NBEAL2: variants seen among roughly 807,000 people sequenced by gnomAD.
NBEAL2 encodes the protein neurobeachin like 2, also known as neurobeachin-like protein 2.
In NBEAL2, 160 loss-of-function variants were observed where a neutral mutation model predicts 299.8. The ratio of observed to expected loss-of-function variants is 0.53; its 90% CI spans 0.47 to 0.61. NBEAL2 has a LOEUF of 0.61. Among genes scored for constraint, NBEAL2 ranks in the 20% least tolerant of loss-of-function variants. The pLI is 0.00. For missense variants in NBEAL2, 3,112 were observed against 3,649.0 expected, an observed-to-expected ratio of 0.85 and a Z score of 3.79; for synonymous variants, 1,493 against 1,542.3, an observed-to-expected ratio of 0.97 and a Z score of 0.75.
intron 40 of NBEAL2, 49 bp downstream of exon 40, chr3:47,005,370 A>C (rs758820000): frequency 1.9e-6 from 3 of 1,584,872 alleles, no homozygotes; most frequent in Non-Finnish European, 2.6e-6. Context: ...TAAGGGGAGG[A>C]GGCTGGTCCT....
At position 46,996,949 on chromosome 3, in the gene NBEAL2, C is replaced by T; in HGVS notation, c.2557-5C>T. The stretch of plus-strand genomic sequence containing the variant: ...CTGGCTGCCTGCCCATTCCCCTATC[C>T]CTAGGCTTGTAAGAACAACATCTGC... On this transcript the variant is annotated splice_region_variant and splice_polypyrimidine_tract_variant and intron_variant, in intron 17 of 53. Coordinates refer to ENST00000450053, the MANE Select transcript of NBEAL2 (RefSeq NM_015175.3). The T allele has an allele frequency of 6.2e-7, 1 of 1,613,164 alleles. No individual in the cohort carries two copies. Among genetic ancestry groups the T allele is most frequent in the Non-Finnish European group, 8.5e-7 (1 of 1,179,782 alleles).
At position 47,007,640 on chromosome 3, in the gene NBEAL2, C is replaced by T; in HGVS notation, c.7450C>T (p.Leu2484=). The T allele has an allele frequency of 6.2e-7, 1 of 1,611,158 alleles. No individual in the cohort carries two copies. The highest frequency in any genetic ancestry group is 8.5e-7 in the Non-Finnish European group (1 of 1,179,098). ...LFSGGHWDGS[L]RVTALPRGKL... ...CAGCGGTGGCCACTGGGATGGCAGC[C>T]TGCGGGTGACTGCACTACCCCGTGG... The change falls in exon 48 of 54, where the codon CTG becomes TTG. Residue 2484 remains leucine, a synonymous_variant. Coordinates refer to ENST00000450053, the MANE Select transcript of NBEAL2 (RefSeq NM_015175.3).
rs778172328 is a variant in NBEAL2 at position 46,988,122 on chromosome 3, C to T, written c.52-547C>T. On this transcript the variant is annotated intron_variant, in intron 1 of 53. Coordinates refer to ENST00000450053, the MANE Select transcript of NBEAL2 (RefSeq NM_015175.3). This position sits in a 1 kb window ranked among gnomAD's most constrained non-coding sequence, Gnocchi z 4.4. Reference sequence around the variant, plus strand: ...GGAGGTTCCCGGGGCAAGGCAGGGCCGCACATGAGGATGTGCGCATGTCTG... The same window carrying T: ...GGAGGTTCCCGGGGCAAGGCAGGGCTGCACATGAGGATGTGCGCATGTCTG... 104 of 1,143,436 alleles carry T rather than the reference C, an allele frequency of 9.1e-5. No individual in the cohort carries two copies. The highest frequency in any genetic ancestry group is 1.9e-4 in the Admixed American group (5 of 27,012). 70.8% of individuals were successfully genotyped at this position (1,143,436 alleles called of 1,614,324 possible). A position where few individuals can be genotyped will look rare whatever the true frequency, so the allele number is the denominator to read the frequency against.
At chr3:47,006,598 T>G (rs2037463564) in intron 45 of NBEAL2, 149 bp downstream of exon 45, 1 of 813,560 alleles carries the variant, frequency 1.2e-6, no homozygotes, top group African/African-American at 1.7e-5. Flanking sequence ...GGGAAGAGTA[T>G]GGGGGCAGGA....
At position 46,988,301 on chromosome 3, in the gene NBEAL2, A is replaced by C. The variant is rs2035821450; in HGVS notation, c.52-368A>C. On this transcript the variant is annotated intron_variant, in intron 1 of 53. Coordinates refer to ENST00000450053, the MANE Select transcript of NBEAL2 (RefSeq NM_015175.3). The surrounding 1 kb of genome is among the most constrained non-coding windows in gnomAD (Gnocchi z 4.4). ...GGCTGCTGTGTGGGACACCTTCTCC[A>C]GCCCTAGCACCAGTGTGGGCCACAG... Among the ~76,000 whole-genome samples the C allele has an allele frequency of 6.6e-6, 1 of 152,154 alleles. No homozygotes were observed. The highest frequency in any genetic ancestry group is 2.4e-5 in the African/African-American group (1 of 41,416).
At chr3:46,999,156 C>G (rs540799593) in intron 24 of NBEAL2, 39 bp downstream of exon 24, 128 of 1,548,900 alleles carry the variant, frequency 8.3e-5, no homozygotes, top group Non-Finnish European at 1.1e-4. Flanking sequence ...ATCCCATTCA[C>G]TGGGGCCCCT....
chr3:47,005,106 T>G lies in NBEAL2; in HGVS notation c.6419+10T>G. On this transcript the variant is annotated intron_variant, in intron 39 of 53. Transcript: ENST00000450053. ...AGCTCGTGAGGGAGAAGTGAGCATG[T>G]GGGCAGGGCTGGGCTCAGCGGGTAG... The G allele has an allele frequency of 6.2e-7, 1 of 1,613,822 alleles. No individual in the cohort carries two copies. Among genetic ancestry groups the G allele is most frequent in the South Asian group, 1.1e-5 (1 of 91,074 alleles).
intron 1 of NBEAL2, among the ~76,000 whole-genome samples, chr3:46,984,660 C>T (rs2035574598): frequency 6.6e-6 from 1 of 152,178 alleles, no homozygotes; most frequent in African/African-American, 2.4e-5. Context: ...CACCCTGTCC[C>T]ACTTCTGCTT....
In NBEAL2 at chr3:46,991,635, G is replaced by T; in HGVS notation, c.872G>T (p.Gly291Val). 6.3e-7 allele frequency: 1 copy of T among 1,599,838 alleles called. No homozygotes were observed. The highest frequency in any genetic ancestry group is 1.1e-5 in the South Asian group (1 of 91,070). Residue 291 changes from glycine (G) to valine (V), a missense_variant, in exon 8 of 54, where the codon GGT (glycine) becomes GTT (valine). By Grantham distance (109) the Gly-to-Val change is moderately radical (BLOSUM62 -3). This residue lies in a region of NBEAL2 where 2,243 missense variants were observed against 2,538.1 expected (regional missense o/e 0.88). Coordinates refer to ENST00000450053, the MANE Select transcript of NBEAL2 (RefSeq NM_015175.3). The surrounding 1 kb of genome is among the most constrained non-coding windows in gnomAD (Gnocchi z 6.2). ...GTCCTTAATGCTGACTGGCCAGCTG[G>T]TCTGAGCTCAGGCCCCGAAGAGGCC... ...FHVLNADWPA[G>V]LSSGPEEALV...
chr3:46,980,443 C>T (rs1217026017), intron 1 of NBEAL2, among the ~76,000 whole-genome samples: 1 of 152,074 alleles, frequency 6.6e-6, no homozygotes, highest in Non-Finnish European at 1.5e-5. Flanking sequence ...AGTTGCATCC[C>T]CCCACACCCC....
At position 46,996,374 on chromosome 3, in the gene NBEAL2, C is replaced by G. The variant is rs1321825316; in HGVS notation, c.2255C>G (p.Pro752Arg). The stretch of plus-strand genomic sequence containing the variant: ...CCCGCCACCCTGGCCTACACTCACC[C>G]CGCCCTCACCCGCTCCCAGTCAGTC... ...PVPATLAYTH[P>R]ALTRSQSVPA... The change falls in exon 16 of 54, where the codon CCC (proline) becomes CGC (arginine). Residue 752 changes from proline to arginine, a missense_variant. Physicochemically the swap from Pro to Arg is moderately radical, Grantham distance 103. Transcript: ENST00000450053. 1 of 1,612,392 alleles carries G rather than the reference C, an allele frequency of 6.2e-7. No homozygotes were observed. Among genetic ancestry groups the G allele is most frequent in the Non-Finnish European group, 8.5e-7 (1 of 1,179,746 alleles).
At chr3:46,999,190 C>A in intron 24 of NBEAL2, 73 bp downstream of exon 24, 2 of 1,538,840 alleles carry the variant, frequency 1.3e-6, no homozygotes, top group Non-Finnish European at 1.8e-6. Flanking sequence ...GGAGGTACAG[C>A]AGGCCTTGGG....
intron 49 of NBEAL2, 67 bp from the exon 50 acceptor site, chr3:47,008,003 T>C: frequency 1.9e-6 from 3 of 1,587,228 alleles, no homozygotes; most frequent in Non-Finnish European, 2.6e-6. Flanking sequence ...CCTCCTCTAG[T>C]CTTGGACAAG....
In NBEAL2 at chr3:46,989,186, G is replaced by C. The variant is rs766754522; in HGVS notation, c.351+20G>C. On this transcript the variant is annotated intron_variant, in intron 4 of 53. Transcript: ENST00000450053. The surrounding 1 kb of genome is among the most constrained non-coding windows in gnomAD (Gnocchi z 5.5). ...GCGGAGGTGAAGTGGCCTCTACCTTGGGGGGCAGAGGGTGTATGCAGGGAG... is the reference window on the plus strand; with the variant it reads ...GCGGAGGTGAAGTGGCCTCTACCTTCGGGGGCAGAGGGTGTATGCAGGGAG... 1.3e-5 allele frequency: 21 copies of C among 1,613,586 alleles called. 1 individual carries two copies. The East Asian group carries it at 4.7e-4, about 36-fold the overall frequency.
intron 1 of NBEAL2, among the ~76,000 whole-genome samples, chr3:46,984,041 C>A (rs531485573): frequency 9.2e-5 from 14 of 151,790 alleles, no homozygotes; most frequent in Non-Finnish European, 1.8e-4. Context: ...TGTTTCACGC[C>A]TGTAATCCCA....
chr3:47,003,768 G>A lies in NBEAL2; in HGVS notation c.5721-48G>A, dbSNP rs1417020269. 6.5e-7 allele frequency: 1 copy of A among 1,527,622 alleles called. No homozygotes were observed. The highest frequency in any genetic ancestry group is 8.8e-7 in the Non-Finnish European group (1 of 1,134,440). 94.6% of individuals were successfully genotyped at this position (1,527,622 alleles called of 1,614,324 possible). ...CTTGGATGCCCTTTGGGCTTGTGAAGAAGGGGGTCCCAGAGCCTACAGCGT... is the reference window on the plus strand; with the variant it reads ...CTTGGATGCCCTTTGGGCTTGTGAAAAAGGGGGTCCCAGAGCCTACAGCGT... On this transcript the variant is annotated intron_variant, in intron 35 of 53. Coordinates refer to ENST00000450053, the MANE Select transcript of NBEAL2 (RefSeq NM_015175.3). This position sits in a 1 kb window ranked among gnomAD's most constrained non-coding sequence, Gnocchi z 7.0.
intron 11 of NBEAL2, 104 bp from the exon 12 acceptor site, chr3:46,994,351 A>C: frequency 9.2e-7 from 1 of 1,089,816 alleles, no homozygotes; most frequent in East Asian, 2.6e-5. Flanking sequence ...AGAGCTACGC[A>C]AGGGAACCCC....
chr3:47,001,222 CG>C lies in NBEAL2; in HGVS notation c.4484+48del. ...GAGGGGGAGGGGCTTCAGGAAGCCT[CG>C]GGGGAAGGAGAGAAGATAGTCAGGT... On this transcript the variant is annotated intron_variant, in intron 28 of 53. Coordinates refer to ENST00000450053, the MANE Select transcript of NBEAL2 (RefSeq NM_015175.3). The surrounding 1 kb of genome is among the most constrained non-coding windows in gnomAD (Gnocchi z 6.1). The C allele has an allele frequency of 6.2e-7, 1 of 1,600,036 alleles. No homozygotes were observed. Among genetic ancestry groups the C allele is most frequent in the Non-Finnish European group, 8.5e-7 (1 of 1,170,494 alleles).
At chr3:46,999,144 G>T in intron 24 of NBEAL2, 27 bp downstream of exon 24, 2 of 1,552,868 alleles carry the variant, frequency 1.3e-6, no homozygotes, top group Non-Finnish European at 8.7e-7. Flanking sequence ...CCCTCCCCTG[G>T]CATCCCATTC....
Sources: allele counts gnomAD v4.1 joint callset (sites outside exome capture counted in the v4.1 genomes callset), GRCh38; gene constraint gnomAD v4.1.1; regional missense constraint gnomAD v4.1.1; non-coding constraint Gnocchi (gnomAD v3.1); transcripts MANE v1.5; gene names NCBI Gene and HGNC (gene_info 2026-07-23, HGNC 2026-07-21).